MPP2: variants seen among roughly 807,000 people sequenced by gnomAD.
The protein encoded by MPP2 is MAGUK p55 scaffold protein 2.
Under a neutral mutation model 58.5 loss-of-function variants are expected in MPP2, and 42 were observed. That is an observed-to-expected ratio of 0.72 (90% CI 0.56 to 0.93). The LOEUF (loss-of-function observed/expected upper bound fraction) is 0.93, where lower values mean the gene tolerates loss of function less well. MPP2 is among the 40% of genes least tolerant of loss of function. The pLI, the probability that MPP2 is intolerant of heterozygous loss-of-function variation, is 0.00. For synonymous variants in MPP2, 300 were observed against 307.8 expected, an observed-to-expected ratio of 0.97 and a Z score of 0.26; for missense variants, 632 against 760.4, an observed-to-expected ratio of 0.83 and a Z score of 1.99.
intron 2 of MPP2, chr17:43,900,739 C>T: frequency 9.3e-7 from 1 of 1,074,680 alleles, no homozygotes; most frequent in Non-Finnish European, 1.3e-6. Context: ...TGGCGCTGCG[C>T]GGTGCAGAGC....
At position 43,875,762 on chromosome 17, in the gene MPP2, G is replaced by A. The variant is rs1366670032; in HGVS notation, c.*2045C>T. ...CAGGCCTGCCCCTTGAGCATCCCTA[G>A]CAGTGAAGGTGCCATGAAGGCCAGG... is the stretch of plus-strand genomic sequence containing the variant. On this transcript the variant is annotated 3_prime_UTR_variant, in exon 13 of 13. Coordinates refer to ENST00000269095, the MANE Select transcript of MPP2 (RefSeq NM_005374.5). The A allele has an allele frequency of 2.0e-5, 3 of 152,182 alleles. No individual in the cohort carries two copies. Among genetic ancestry groups the A allele is most frequent in the Non-Finnish European group, 4.4e-5 (3 of 68,036 alleles). 9.4% of individuals were successfully genotyped at this position (152,182 alleles called of 1,614,324 possible).
chr17:43,900,399 C>T (rs2048038395), intron 2 of MPP2: 1 of 1,516,212 alleles, frequency 6.6e-7, no homozygotes. Context: ...TCCCCAGATG[C>T]CCCGACTCTG....
At chr17:43,888,318 C>G (rs1373260752) in intron 3 of MPP2, among the ~76,000 whole-genome samples, 2 of 152,218 alleles carry the variant, frequency 1.3e-5, no homozygotes, top group African/African-American at 4.8e-5. Flanking sequence ...AAACAGACAA[C>G]TGATGGGGCA....
At chr17:43,883,591 C>T (rs896837900) in intron 3 of MPP2, among the ~76,000 whole-genome samples, 1 of 152,094 alleles carries the variant, frequency 6.6e-6, no homozygotes, top group Non-Finnish European at 1.5e-5. Flanking sequence ...AAAGGACAAA[C>T]CTTCCTTTCC....
rs201409457 is a variant in MPP2, at chr17:43,880,686, C to T, written c.1150+5G>A. 1.2e-6 allele frequency: 2 copies of T among 1,603,286 alleles called. No homozygotes were observed. Among genetic ancestry groups the T allele is most frequent in the South Asian group, 1.1e-5 (1 of 89,692 alleles). On this transcript the variant is annotated splice_donor_5th_base_variant and intron_variant, in intron 10 of 12. Coordinates refer to ENST00000269095, the MANE Select transcript of MPP2 (RefSeq NM_005374.5). This position sits in a 1 kb window ranked among gnomAD's most constrained non-coding sequence, Gnocchi z 5.2. ...CCAACTCAGCAGGGCCCAGCTCCCACTCACAGGGCACCGTGGTGCCATAGC... is the reference window on the plus strand; with the variant it reads ...CCAACTCAGCAGGGCCCAGCTCCCATTCACAGGGCACCGTGGTGCCATAGC...
intron 2 of MPP2, chr17:43,900,545 C>G (rs565608249): frequency 1.7e-5 from 26 of 1,546,336 alleles, no homozygotes; most frequent in Non-Finnish European, 2.3e-5. Flanking sequence ...GCCTGGGCTG[C>G]CTGCCATGGC....
chr17:43,878,343 C>T (rs535910466), intron 12 of MPP2, among the ~76,000 whole-genome samples: 1 of 152,284 alleles, frequency 6.6e-6, no homozygotes, highest in East Asian at 1.9e-4. Flanking sequence ...ACAGGGTCTG[C>T]CTGACTCTCA....
chr17:43,907,954 C>CA (rs2048357093), upstream of MPP2: 2 of 985,312 alleles, frequency 2.0e-6, no homozygotes, highest in South Asian at 9.4e-5. Flanking sequence ...AGGAGGACTT[C>CA]AGAGAGACTC....
chr17:43,878,027 C>T, intron 12 of MPP2, 44 bp from the exon 13 acceptor site: 1 of 1,569,276 alleles, frequency 6.4e-7, no homozygotes, highest in Non-Finnish European at 8.7e-7. Flanking sequence ...GTGCCCACAA[C>T]TCACCCCCAC....
At chr17:43,883,096 G>A (rs770618435) in intron 4 of MPP2, 44 bp from the exon 5 acceptor site, 27 of 1,576,628 alleles carry the variant, frequency 1.7e-5, no homozygotes, top group African/African-American at 5.4e-5. Context: ...GCAGTGTCCC[G>A]GGTCTCTTCC....
rs1369035600 is a variant in MPP2 at position 43,876,285 on chromosome 17, G to C, written c.*1522C>G. 6.5e-6 allele frequency: 1 copy of C among 152,678 alleles called. No individual in the cohort carries two copies. Among genetic ancestry groups the C allele is most frequent in the Non-Finnish European group, 1.5e-5 (1 of 68,060 alleles). The allele number at this position is 152,678 out of a possible 1,614,324, so 9.5% of individuals were successfully genotyped here. A position where few individuals can be genotyped will look rare whatever the true frequency, so the allele number is the denominator to read the frequency against. ...AGTTAGACACTTGGAAGAACTGGGAGGCACAAGGGTTTGGACTCAGGGTGT... is the reference window on the plus strand; with the variant it reads ...AGTTAGACACTTGGAAGAACTGGGACGCACAAGGGTTTGGACTCAGGGTGT... On this transcript the variant is annotated 3_prime_UTR_variant, in exon 13 of 13. Transcript: ENST00000269095.
At chr17:43,887,597 T>C (rs1377207863) in intron 3 of MPP2, among the ~76,000 whole-genome samples, 1 of 151,626 alleles carries the variant, frequency 6.6e-6, no homozygotes, top group African/African-American at 2.4e-5. Context: ...GAGGAATAAA[T>C]ACACTTTGAT....
rs777722236 is a variant in MPP2, at chr17:43,905,414, T to C, written c.-33-921A>G. ...GGCTCTCTCTCCTCTCTCCCTTTCT[T>C]AGCTCAGAGCTGGCACAAGGAGACC... On this transcript the variant is annotated intron_variant, in intron 1 of 12. Transcript: ENST00000269095. The C allele has an allele frequency of 5.9e-5, 9 of 152,308 alleles. No individual in the cohort carries two copies. The East Asian group carries it at 9.6e-4, about 16-fold the overall frequency. 9.4% of individuals were successfully genotyped at this position (152,308 alleles called of 1,614,324 possible).
chr17:43,884,406 G>A (rs1383702483), intron 3 of MPP2, among the ~76,000 whole-genome samples: 1 of 152,094 alleles, frequency 6.6e-6, no homozygotes, highest in African/African-American at 2.4e-5. Flanking sequence ...GTTTTGTAGG[G>A]ACAGGGTCTC....
In MPP2 at chr17:43,880,721, C is replaced by A; in HGVS notation, c.1120G>T (p.Asp374Tyr). ...RSLKNKLIMW[D>Y]PDRYGTTVPY... ...ACCGTGGTGCCATAGCGATCTGGAT[C>A]CCACATGATGAGCTTGTTCTTCAGG... The change falls in exon 10 of 13, where the codon GAT (aspartate) becomes TAT (tyrosine). Residue 374 changes from aspartate (D) to tyrosine (Y), a missense_variant. By Grantham distance (160) the Asp-to-Tyr change is radical (BLOSUM62 -3). Transcript: ENST00000269095. This position sits in a 1 kb window ranked among gnomAD's most constrained non-coding sequence, Gnocchi z 5.2. The A allele has an allele frequency of 6.2e-7, 1 of 1,613,286 alleles. No homozygotes were observed. The highest frequency in any genetic ancestry group is 8.5e-7 in the Non-Finnish European group (1 of 1,179,448).
intron 1 of MPP2, among the ~76,000 whole-genome samples, chr17:43,905,882 T>G (rs925167794): frequency 6.6e-6 from 1 of 152,094 alleles, no homozygotes; most frequent in African/African-American, 2.4e-5. Flanking sequence ...GATGGTTCCC[T>G]TTCCTCCCAG....
At position 43,877,724 on chromosome 17, in the gene MPP2, GGCAGGGGGTCACAGGTCA is replaced by G. The variant is rs2046906299; in HGVS notation, c.*65_*82del. 1 of 1,217,016 alleles carries G rather than the reference GGCAGGGGGTCACAGGTCA, an allele frequency of 8.2e-7. No individual in the cohort carries two copies. Among genetic ancestry groups the G allele is most frequent in the Non-Finnish European group, 1.2e-6 (1 of 843,332 alleles). The allele number at this position is 1,217,016 out of a possible 1,614,324, so 75.4% of individuals were successfully genotyped here. On this transcript the variant is annotated 3_prime_UTR_variant, in exon 13 of 13. Transcript: ENST00000269095. ...GCCAGATATGGGGGCTAAGGATTGTGGCAGGGGGTCACAGGTCAGGAGGGGGATGGATTCAGGTTCTGG... is the reference window on the plus strand; with the variant it reads ...GCCAGATATGGGGGCTAAGGATTGTGGGAGGGGGATGGATTCAGGTTCTGG...
intron 3 of MPP2, among the ~76,000 whole-genome samples, chr17:43,892,386 T>C (rs1294212219): frequency 1.3e-5 from 2 of 152,180 alleles, no homozygotes; most frequent in African/African-American, 2.4e-5. Context: ...GGTTAGAAAT[T>C]TGTCTGTGTA....
At chr17:43,892,808 G>A (rs961834925) in intron 3 of MPP2, among the ~76,000 whole-genome samples, 1 of 152,180 alleles carries the variant, frequency 6.6e-6, no homozygotes, top group African/African-American at 2.4e-5. Flanking sequence ...ATGTGACACA[G>A]CACATTGGTT....
Sources: allele counts gnomAD v4.1 joint callset (sites outside exome capture counted in the v4.1 genomes callset), GRCh38; gene constraint gnomAD v4.1.1; non-coding constraint Gnocchi (gnomAD v3.1); transcripts MANE v1.5; gene names NCBI Gene and HGNC (gene_info 2026-07-23, HGNC 2026-07-21).